POLK: variants seen among roughly 807,000 people sequenced by gnomAD.
POLK encodes the protein polymerase (DNA directed) kappa.
Under a neutral mutation model 94.0 loss-of-function variants are expected in POLK, and 76 were observed. That is an observed-to-expected ratio of 0.81 (90% CI 0.67 to 0.98). POLK has a LOEUF of 0.98. Among genes scored for constraint, POLK ranks in the 50% least tolerant of loss-of-function variants. The pLI, the probability that POLK is intolerant of heterozygous loss-of-function variation, is 0.00. For missense variants in POLK, 954 were observed against 1,010.1 expected (o/e 0.94, Z 0.75); for synonymous variants, 349 against 325.4 (o/e 1.07, Z -0.78).
upstream of POLK, chr5:75,511,239 C>G (rs753818083): frequency 4.3e-6 from 7 of 1,609,398 alleles, no homozygotes; most frequent in South Asian, 1.1e-5. Flanking sequence ...GAGACCGGCC[C>G]CCGCTCCCTC....
intron 7 of POLK, chr5:75,582,178 A>G: frequency 1.0e-6 from 1 of 973,910 alleles, no homozygotes; most frequent in Admixed American, 6.1e-5. Flanking sequence ...ACAATCTGGT[A>G]AAAGGAAAAA....
At position 75,529,828 on chromosome 5, in the gene POLK, G is replaced by A. The variant is rs139199876; in HGVS notation, c.-13-17182G>A. 4.5e-3 allele frequency among the ~76,000 whole-genome samples: 686 copies of A among 152,124 alleles called. 4 individuals are homozygous for A. Among genetic ancestry groups the A allele is most frequent in the African/African-American group, 0.016 (656 of 41,508 alleles). ...TACTTAATACATTTCACTTGTATAA[G>A]TACATACATATAATTGAATATAAAC... On this transcript the variant is annotated intron_variant, in intron 1 of 14. Coordinates refer to ENST00000241436, the Ensembl canonical transcript of POLK.
In POLK at chr5:75,549,510, T is replaced by G. The variant is rs5744592; in HGVS notation, c.135+2353T>G. Among the ~76,000 whole-genome samples the G allele has an allele frequency of 2.6e-4, 40 of 152,158 alleles. 1 individual carries two copies. In the East Asian group the frequency reaches 7.1e-3, roughly 27 times the overall value. The stretch of plus-strand genomic sequence containing the variant: ...CTTGAAGCTTTGCTTTCATATAAAT[T>G]TTATGTGATATATATCAAAAATATA... On this transcript the variant is annotated intron_variant, in intron 2 of 14. Transcript: ENST00000241436.
intron 6 of POLK, among the ~76,000 whole-genome samples, chr5:75,578,317 G>A (rs1772014974): frequency 6.6e-6 from 1 of 151,994 alleles, no homozygotes; most frequent in Admixed American, 6.6e-5. Flanking sequence ...CACCACACCC[G>A]ACTAATTTTT....
exon 15 of POLK, chr5:75,600,940 G>A (rs1773283754): frequency 6.6e-6 from 1 of 152,160 alleles, no homozygotes; most frequent in South Asian, 2.1e-4. Context: ...CCCAGAACCA[G>A]AATAATGATT....
chr5:75,511,407 A>G (rs1767989440), upstream of POLK: 2 of 1,545,366 alleles, frequency 1.3e-6, no homozygotes, highest in Non-Finnish European at 1.7e-6. Flanking sequence ...AGGAAGGAGG[A>G]CGAGCGGTGA....
intron 13 of POLK, 68 bp from the exon 14 acceptor site, chr5:75,597,679 T>C (rs975340201): frequency 1.7e-5 from 15 of 905,424 alleles, no homozygotes; most frequent in Non-Finnish European, 2.4e-5. Flanking sequence ...CTTTTTAAAT[T>C]TGTATACAAC....
intron 4 of POLK, among the ~76,000 whole-genome samples, chr5:75,572,231 C>T (rs1301582769): frequency 6.6e-6 from 1 of 152,160 alleles, no homozygotes; most frequent in Non-Finnish European, 1.5e-5. Flanking sequence ...GCAATATTCT[C>T]CTTTTTACTC....
chr5:75,525,316 A>G (rs1230327989), intron 1 of POLK, among the ~76,000 whole-genome samples: 1 of 152,224 alleles, frequency 6.6e-6, no homozygotes, highest in African/African-American at 2.4e-5. Flanking sequence ...TCAGCAAAAA[A>G]GGAAAATATA....
intron 2 of POLK, among the ~76,000 whole-genome samples, chr5:75,551,262 ACTT>A (rs1306577241): frequency 5.9e-5 from 9 of 151,996 alleles, no homozygotes; most frequent in Non-Finnish European, 1.2e-4. Flanking sequence ...AAATGTTTAC[ACTT>A]CAGAAGACAG....
intron 3 of POLK, 137 bp downstream of exon 3, chr5:75,552,728 T>G: frequency 1.1e-6 from 1 of 896,400 alleles, no homozygotes; most frequent in East Asian, 2.5e-5. Flanking sequence ...ATTCAGCAAA[T>G]GAACATACTT....
chr5:75,581,294 G>GC lies in POLK; in HGVS notation c.781dup (p.Gln261ProfsTer12). 1 of 1,613,070 alleles carries GC rather than the reference G, an allele frequency of 6.2e-7. No individual in the cohort carries two copies. The highest frequency in any genetic ancestry group is 8.5e-7 in the Non-Finnish European group (1 of 1,179,056). ...TTTTTGAAGAGAGTCCTTCTGATGT[G>GC]CAGCCCCCAGGAGATCCTTTCCAAG... On this transcript the variant is annotated frameshift_variant, in exon 7 of 15. Coordinates refer to ENST00000241436, the Ensembl canonical transcript of POLK. LOFTEE classifies it high-confidence loss of function.
At chr5:75,563,336 C>CA (rs758741169) in intron 3 of POLK, among the ~76,000 whole-genome samples, 6 of 152,064 alleles carry the variant, frequency 3.9e-5, no homozygotes, top group Admixed American at 6.6e-5. Flanking sequence ...TTAATCTTTT[C>CA]AAAAAAACCA....
At chr5:75,608,050 C>A in the POLK span, among the ~76,000 whole-genome samples, 3 of 152,052 alleles carry the variant, frequency 2.0e-5, no homozygotes, top group African/African-American at 7.2e-5. Context: ...TTAGTCTAGA[C>A]CTTTAGGGGA....
At chr5:75,539,251 C>T (rs1769613130) in intron 1 of POLK, among the ~76,000 whole-genome samples, 1 of 149,374 alleles carries the variant, frequency 6.7e-6, no homozygotes. Context: ...CAACTTCTTG[C>T]TGCTTTTTTT....
intron 1 of POLK, among the ~76,000 whole-genome samples, chr5:75,515,338 T>C (rs1768273950): frequency 6.6e-6 from 1 of 152,178 alleles, no homozygotes; most frequent in Non-Finnish European, 1.5e-5. Flanking sequence ...AATAAAAACA[T>C]AGCAAACCCA....
intron 7 of POLK, chr5:75,581,662 G>C: frequency 2.1e-6 from 1 of 479,062 alleles, no homozygotes; most frequent in Non-Finnish European, 3.6e-6. Context: ...GGAAAAAAAA[G>C]ATTATACGTT....
intron 1 of POLK, among the ~76,000 whole-genome samples, chr5:75,533,652 TA>T (rs1481905475): frequency 5.9e-5 from 9 of 152,236 alleles, no homozygotes; most frequent in Non-Finnish European, 1.3e-4. Context: ...TTGATGGAAA[TA>T]GCGCTGAATC....
At chr5:75,562,689 T>C (rs1410267340) in intron 3 of POLK, among the ~76,000 whole-genome samples, 1 of 152,224 alleles carries the variant, frequency 6.6e-6, no homozygotes, top group Non-Finnish European at 1.5e-5. Flanking sequence ...GTTCCATCAA[T>C]ACCTAGTTTA....
Sources: gnomAD v4.1 joint callset for allele counts (sites outside exome capture counted in the v4.1 genomes callset) on GRCh38, gnomAD v4.1.1 for gene constraint, MANE v1.5 for transcripts, NCBI Gene and HGNC (gene_info 2026-07-23, HGNC 2026-07-21) for gene names.